KCMF1: variants seen among roughly 807,000 people sequenced by gnomAD.
KCMF1 encodes the protein potassium channel modulatory factor 1.
A neutral mutation model predicts 41.1 loss-of-function variants in KCMF1; 3 were observed. That is an observed-to-expected ratio of 0.07 (90% CI 0.03 to 0.19). KCMF1 has a LOEUF of 0.19. KCMF1 is among the 10% of genes least tolerant of loss of function. The pLI is 1.00. For missense variants in KCMF1, 286 were observed against 488.9 expected, an observed-to-expected ratio of 0.58 and a Z score of 3.91; for synonymous variants, 142 against 164.5, an observed-to-expected ratio of 0.86 and a Z score of 1.04.
At chr2:85,028,170 T>C in intron 2 of KCMF1, 114 bp downstream of exon 2, 1 of 635,242 alleles carries the variant, frequency 1.6e-6, no homozygotes, top group Non-Finnish European at 2.6e-6. Flanking sequence ...CCCAAATTCA[T>C]TAAACATGAA....
intron 3 of KCMF1, among the ~76,000 whole-genome samples, chr2:85,037,671 T>C (rs1675435507): frequency 6.6e-6 from 1 of 152,260 alleles, no homozygotes; most frequent in Admixed American, 6.5e-5. Context: ...ACTTGCTATA[T>C]ATCTCCTTTT....
Position 85,043,652 on chromosome 2 carries a change from C to T in KCMF1, c.413C>T (p.Ala138Val). 2 of 1,598,884 alleles carry T rather than the reference C, an allele frequency of 1.3e-6. No homozygotes were observed. Among genetic ancestry groups the T allele is most frequent in the African/African-American group, 1.3e-5 (1 of 74,738 alleles). ...GCTCATCTTACACTTGAACACAGAGCCCCTAGAGATTTAATATCCTTTTAA... is the reference window on the plus strand; with the variant it reads ...GCTCATCTTACACTTGAACACAGAGTCCCTAGAGATTTAATATCCTTTTAA... Reference protein sequence around the residue: ...FAAHLTLEHRAPRDLDESSGV... With the variant: ...FAAHLTLEHRVPRDLDESSGV... The change falls in exon 4 of 7, where the codon GCC becomes GTC. Residue 138 changes from alanine (A) to valine (V), a missense_variant. Ala to Val is a moderately conservative substitution (Grantham distance 64). Coordinates refer to ENST00000409785, the MANE Select transcript of KCMF1 (RefSeq NM_020122.5).
rs183379537 is a variant in KCMF1 at position 85,026,629 on chromosome 2, C to T, written c.17-1260C>T. Among the ~76,000 whole-genome samples the T allele has an allele frequency of 1.9e-3, 286 of 151,882 alleles. 8 individuals carry two copies. Among genetic ancestry groups the T allele is most frequent in the Admixed American group, 0.015 (222 of 15,214 alleles). ...TCAACCTTCCAAGTAGCTAAGGCTA[C>T]AGGCACAGGCCACAATGCCCAGCTA... On this transcript the variant is annotated intron_variant, in intron 1 of 6. Transcript: ENST00000409785.
At chr2:85,052,007 C>A in intron 6 of KCMF1, among the ~76,000 whole-genome samples, 1 of 152,184 alleles carries the variant, frequency 6.6e-6, no homozygotes, top group East Asian at 1.9e-4. Context: ...ATGGTAAGGT[C>A]ACAGTTTCTT....
At chr2:85,034,889 T>G in intron 2 of KCMF1, 127 bp from the exon 3 acceptor site, 2 of 729,712 alleles carry the variant, frequency 2.7e-6, no homozygotes, top group Non-Finnish European at 4.3e-6. Flanking sequence ...CCCAACGTGC[T>G]GGGATTGCAG....
At chr2:84,999,041 T>C (rs1358815235) in intron 1 of KCMF1, among the ~76,000 whole-genome samples, 180 of 61,660 alleles carry the variant, frequency 2.9e-3, no homozygotes, top group Middle Eastern at 0.023. Flanking sequence ...CACCCACCCA[T>C]CCATCCATCC....
chr2:84,972,729 A>T (rs1673432475), intron 1 of KCMF1, among the ~76,000 whole-genome samples: 1 of 152,260 alleles, frequency 6.6e-6, no homozygotes, highest in Admixed American at 6.5e-5. Flanking sequence ...AATTGTATTT[A>T]GAACAAGTTT....
chr2:85,012,025 C>T (rs1314248319), intron 1 of KCMF1, among the ~76,000 whole-genome samples: 1 of 152,208 alleles, frequency 6.6e-6, no homozygotes, highest in Non-Finnish European at 1.5e-5. Flanking sequence ...AGCTGAGAAA[C>T]AGTAGTAATA....
At chr2:85,022,886 C>CTTTTTTTTTTT (rs34732141) in intron 1 of KCMF1, among the ~76,000 whole-genome samples, 2 of 111,736 alleles carry the variant, frequency 1.8e-5, no homozygotes, top group African/African-American at 3.4e-5. Flanking sequence ...TGTATGTATT[C>CTTTTTTTTTTT]TTTTTTTTTT....
At chr2:85,006,450 G>A (rs1175943919) in intron 1 of KCMF1, among the ~76,000 whole-genome samples, 3 of 151,538 alleles carry the variant, frequency 2.0e-5, no homozygotes, top group South Asian at 2.1e-4. Context: ...ACAGGCGCCC[G>A]CCACCATGCC....
intron 3 of KCMF1, among the ~76,000 whole-genome samples, chr2:85,041,523 A>G (rs1675534987): frequency 6.6e-6 from 1 of 151,926 alleles, no homozygotes; most frequent in Admixed American, 6.5e-5. Context: ...GGACAGCTCA[A>G]GTTGTTTATA....
intron 2 of KCMF1, among the ~76,000 whole-genome samples, chr2:85,029,702 CAA>C (rs1212861309): frequency 2.7e-5 from 3 of 110,670 alleles, no homozygotes; most frequent in African/African-American, 3.6e-5. Context: ...TTTTTTGAGA[CAA>C]GAGTTTCACT....
chr2:85,050,647 T>C lies in KCMF1; in HGVS notation c.884+999T>C, dbSNP rs576111728. Reference sequence around the variant, plus strand: ...TCAACAGATAATGAACCTGGACTAATTGGGCTTTTAAGGGAGCAGAGAGGA... The same window carrying C: ...TCAACAGATAATGAACCTGGACTAACTGGGCTTTTAAGGGAGCAGAGAGGA... On this transcript the variant is annotated intron_variant, in intron 6 of 6. Coordinates refer to ENST00000409785, the MANE Select transcript of KCMF1 (RefSeq NM_020122.5). Among the ~76,000 whole-genome samples, 6 of 152,320 alleles carry C rather than the reference T, an allele frequency of 3.9e-5. No homozygotes were observed. The South Asian group carries it at 1.2e-3, about 32-fold the overall frequency.
chr2:85,015,657 A>G (rs1400736016), intron 1 of KCMF1, among the ~76,000 whole-genome samples: 1 of 152,220 alleles, frequency 6.6e-6, no homozygotes, highest in Non-Finnish European at 1.5e-5. Flanking sequence ...CAAAGTTCAT[A>G]AAGAACTCTT....
chr2:85,035,440 A>G (rs1416744163), intron 3 of KCMF1, among the ~76,000 whole-genome samples: 1 of 152,210 alleles, frequency 6.6e-6, no homozygotes, highest in African/African-American at 2.4e-5. Context: ...GCATTGTGAA[A>G]GGTTAAAAGG....
chr2:84,973,825 C>CTTTTTTTTTTTTTTTTTTTTTTT (rs1238178193), intron 1 of KCMF1, among the ~76,000 whole-genome samples: 15 of 110,270 alleles, frequency 1.4e-4, no homozygotes, highest in South Asian at 2.8e-4. Flanking sequence ...TTATTTCTTT[C>CTTTTTTTTTTTTTTTTTTTTTTT]TTTTTTTTTT....
At chr2:84,978,090 C>A (rs374372265) in intron 1 of KCMF1, among the ~76,000 whole-genome samples, 1 of 151,964 alleles carries the variant, frequency 6.6e-6, no homozygotes, top group Non-Finnish European at 1.5e-5. Context: ...CTACGCCTCC[C>A]AGGTTCAAGT....
intron 1 of KCMF1, among the ~76,000 whole-genome samples, chr2:85,022,877 G>A (rs1222444731): frequency 6.4e-5 from 9 of 141,684 alleles, no homozygotes; most frequent in Admixed American, 4.4e-4. Flanking sequence ...ACTTTATACT[G>A]TATGTATTCT....
Position 85,021,491 on chromosome 2 carries a change from G to A in KCMF1, c.17-6398G>A, listed in dbSNP as rs140528541. On this transcript the variant is annotated intron_variant, in intron 1 of 6. Transcript: ENST00000409785. ...ACAAAAATTAGCCGGGTGTGGTGGT[G>A]GGCACCTGTAGTCCCAGCTGCTCGG... is the stretch of plus-strand genomic sequence containing the variant. Among the ~76,000 whole-genome samples, 896 of 152,052 alleles carry A rather than the reference G, an allele frequency of 5.9e-3. 6 individuals are homozygous for A. Among genetic ancestry groups the A allele is most frequent in the African/African-American group, 0.02 (848 of 41,460 alleles).
Sources: allele counts gnomAD v4.1 joint callset (sites outside exome capture counted in the v4.1 genomes callset), GRCh38; gene constraint gnomAD v4.1.1; transcripts MANE v1.5; gene names NCBI Gene and HGNC (gene_info 2026-07-23, HGNC 2026-07-21).